RAP1A: variants seen among roughly 807,000 people sequenced by gnomAD.
The protein encoded by RAP1A is RAP1A, member of RAS oncogene family.
RAP1A carries 6 observed loss-of-function variants against 26.4 expected under a neutral mutation model. The ratio of observed to expected loss-of-function variants is 0.23; its 90% CI spans 0.12 to 0.45. The LOEUF is 0.45. RAP1A is among the 20% of genes least tolerant of loss of function. The pLI is 0.99. For missense variants in RAP1A, 121 were observed against 217.2 expected (o/e 0.56, Z 2.78); for synonymous variants, 73 against 79.4 (o/e 0.92, Z 0.43).
At chr1:111,675,497 C>G (rs1193183183) in intron 1 of RAP1A, among the ~76,000 whole-genome samples, 3 of 151,934 alleles carry the variant, frequency 2.0e-5, no homozygotes, top group African/African-American at 7.2e-5. Flanking sequence ...AAAAAACAGC[C>G]TGGAGTCTCC....
intron 1 of RAP1A, among the ~76,000 whole-genome samples, chr1:111,562,627 C>A (rs935122935): frequency 2.6e-5 from 4 of 152,154 alleles, no homozygotes; most frequent in African/African-American, 9.7e-5. Context: ...ACTAAAATTG[C>A]CAATATTCCC....
intron 1 of RAP1A, chr1:111,648,253 C>T (rs1571526212): frequency 3.0e-6 from 2 of 664,356 alleles, no homozygotes; most frequent in Non-Finnish European, 2.4e-6. Context: ...TTATTGGCTT[C>T]CTGCTCCCCA....
At chr1:111,696,440 G>A (rs543145422) in intron 3 of RAP1A, among the ~76,000 whole-genome samples, 1 of 152,254 alleles carries the variant, frequency 6.6e-6, no homozygotes, top group Non-Finnish European at 1.5e-5. Flanking sequence ...AGTCCTAATT[G>A]ATTATTCACT....
chr1:111,646,806 C>G (rs149991447), intron 1 of RAP1A, among the ~76,000 whole-genome samples: 3,461 of 152,206 alleles, frequency 0.023, 69 homozygotes, highest in Non-Finnish European at 0.035. Flanking sequence ...CCCAAAGTGC[C>G]GGGATTACAG....
rs11414021 is a variant in RAP1A, at chr1:111,642,786, CT to C, written c.-28+22869del. ...ACAGGCGTGAGCCGCCGTGCCCAGC[CT>C]TTTTTTTTTTTTTTTTGAGGCAAAG... On this transcript the variant is annotated intron_variant, in intron 1 of 7. Transcript: ENST00000369709. Among the ~76,000 whole-genome samples the C allele has an allele frequency of 5.5e-3, 658 of 119,442 alleles. 8 individuals carry two copies. Among genetic ancestry groups the C allele is most frequent in the African/African-American group, 0.018 (548 of 30,900 alleles). The allele number at this position is 119,442 out of a possible 152,430, so 78.4% of individuals were successfully genotyped here. A position where few individuals can be genotyped will look rare whatever the true frequency, so the allele number is the denominator to read the frequency against.
At chr1:111,625,020 T>C (rs1435681502) in intron 1 of RAP1A, among the ~76,000 whole-genome samples, 2 of 152,226 alleles carry the variant, frequency 1.3e-5, no homozygotes, top group Non-Finnish European at 1.5e-5. Context: ...TTCAAAGTGT[T>C]AAAGTTAACC....
intron 2 of RAP1A, among the ~76,000 whole-genome samples, chr1:111,693,756 A>AGAG (rs1465291230): frequency 2.0e-5 from 3 of 152,152 alleles, no homozygotes; most frequent in African/African-American, 7.2e-5. Flanking sequence ...TAAACTTATG[A>AGAG]GAGAAGAAGA....
intron 1 of RAP1A, among the ~76,000 whole-genome samples, chr1:111,624,897 T>C (rs1404649289): frequency 6.6e-6 from 1 of 152,186 alleles, no homozygotes; most frequent in Non-Finnish European, 1.5e-5. Flanking sequence ...CTTATTTACT[T>C]AGGCTATATA....
At chr1:111,613,514 A>C (rs1248158847) in intron 1 of RAP1A, among the ~76,000 whole-genome samples, 1 of 152,180 alleles carries the variant, frequency 6.6e-6, no homozygotes, top group Non-Finnish European at 1.5e-5. Flanking sequence ...TTTCATTTCA[A>C]AGGCATGAAG....
chr1:111,603,246 G>C (rs1219184845), intron 1 of RAP1A, among the ~76,000 whole-genome samples: 3 of 152,190 alleles, frequency 2.0e-5, no homozygotes, highest in African/African-American at 7.2e-5. Context: ...GAATGTTCAA[G>C]GTTTGGTTCC....
intron 1 of RAP1A, among the ~76,000 whole-genome samples, chr1:111,655,190 G>C (rs1321053588): frequency 6.6e-6 from 1 of 150,776 alleles, no homozygotes; most frequent in Non-Finnish European, 1.5e-5. Context: ...TGAGCTATGA[G>C]GGGAAAATGA....
In RAP1A at chr1:111,648,574, G is replaced by C; in HGVS notation, c.-28+28640G>C. ...AGTTGCAGCAGGATCCCGTTTAGCT[G>C]CTCCATCTGCAGGAAGTAGAGGGCC... On this transcript the variant is annotated intron_variant, in intron 1 of 7. Transcript: ENST00000369709. 14 of 541,730 alleles carry C rather than the reference G, an allele frequency of 2.6e-5. 1 individual carries two copies. The highest frequency in any genetic ancestry group is 2.3e-4 in the South Asian group (14 of 60,892). 33.6% of individuals were successfully genotyped at this position (541,730 alleles called of 1,614,324 possible).
intron 1 of RAP1A, among the ~76,000 whole-genome samples, chr1:111,684,855 A>C (rs1376878206): frequency 6.6e-6 from 1 of 152,214 alleles, no homozygotes; most frequent in Non-Finnish European, 1.5e-5. Flanking sequence ...ACAAAGCTGG[A>C]GGTATCACAC....
chr1:111,635,842 G>T (rs973096673), intron 1 of RAP1A, among the ~76,000 whole-genome samples: 1 of 151,998 alleles, frequency 6.6e-6, no homozygotes, highest in Non-Finnish European at 1.5e-5. Context: ...CAAAGTGTTG[G>T]AATTACAGGT....
upstream of RAP1A, among the ~76,000 whole-genome samples, chr1:111,615,292 T>G (rs1268605621): frequency 6.6e-6 from 1 of 151,240 alleles, no homozygotes; most frequent in Non-Finnish European, 1.5e-5. Context: ...AGGAAGATGG[T>G]TTTGGCAAGA....
intron 1 of RAP1A, among the ~76,000 whole-genome samples, chr1:111,663,762 A>G (rs1228029993): frequency 3.3e-5 from 5 of 152,172 alleles, no homozygotes; most frequent in African/African-American, 1.2e-4. Context: ...TTGAGCATCT[A>G]CTATTTTCCA....
chr1:111,563,803 C>T (rs1396592363), intron 1 of RAP1A: 5 of 1,529,598 alleles, frequency 3.3e-6, no homozygotes, highest in Non-Finnish European at 4.5e-6. Flanking sequence ...ACTCAGACCC[C>T]AACCTCTGCC....
chr1:111,695,838 T>C (rs1364642300), intron 3 of RAP1A, among the ~76,000 whole-genome samples: 1 of 152,252 alleles, frequency 6.6e-6, no homozygotes, highest in Non-Finnish European at 1.5e-5. Context: ...TGTGTAATAC[T>C]ATAATTGGGT....
intron 1 of RAP1A, among the ~76,000 whole-genome samples, chr1:111,578,554 T>C (rs1302107533): frequency 6.6e-6 from 1 of 152,110 alleles, no homozygotes; most frequent in Non-Finnish European, 1.5e-5. Flanking sequence ...ACTCATAATG[T>C]ACTGGAGTGA....
Sources: allele counts gnomAD v4.1 joint callset (sites outside exome capture counted in the v4.1 genomes callset), GRCh38; gene constraint gnomAD v4.1.1; transcripts MANE v1.5; gene names NCBI Gene and HGNC (gene_info 2026-07-23, HGNC 2026-07-21).